Variants in ASB11 observed in about 807,000 individuals in gnomAD.
The protein encoded by ASB11 is ankyrin repeat and SOCS box protein 11.
In ASB11, 17 loss-of-function variants were observed where a neutral mutation model predicts 20.1. The observed-to-expected ratio is 0.85, with a 90% CI of 0.58 to 1.27. The LOEUF (loss-of-function observed/expected upper bound fraction) is 1.27, where lower values mean the gene tolerates loss of function less well. Ranked by LOEUF, ASB11 falls within the 50% of genes most tolerant of loss-of-function variation. The probability of loss-of-function intolerance (pLI) is 0.00; values close to 1 mark genes in which losing one functional copy is unlikely to be tolerated. For missense variants in ASB11, 259 were observed against 256.9 expected, an observed-to-expected ratio of 1.01 and a Z score of -0.06; for synonymous variants, 107 against 105.6, an observed-to-expected ratio of 1.01 and a Z score of -0.08.
chrX:15,293,035 G>A (rs779841394), intron 4 of ASB11, 135 bp downstream of exon 4: 2 of 839,329 alleles, frequency 2.4e-6, no homozygotes, highest in Admixed American at 3.6e-5. Context: ...TACTGCTGTG[G>A]GATTTCTAGG....
In ASB11 at chrX:15,297,591, A is replaced by G. The variant is rs1406642138; in HGVS notation, c.352T>C (p.Leu118=). ...GTACTCACGTGTGCACCATTTTCCA[A>G]TAAGGCTTTGGCACAGGCCACGTGA... is the stretch of plus-strand genomic sequence containing the variant. The part of the protein sequence containing the change: ...GGHVACAKAL[L]ENGAHVNGVT... The change falls in exon 3 of 7, where the codon TTG becomes CTG. Residue 118 remains leucine (L), a synonymous_variant. Transcript: ENST00000480796. 1.0e-5 allele frequency: 12 copies of G among 1,198,798 alleles called. No individual in the cohort carries two copies. Among genetic ancestry groups the G allele is most frequent in the Non-Finnish European group, 1.2e-5 (11 of 889,558 alleles).
In ASB11 at chrX:15,282,111, A is replaced by G. The variant is rs1253243768; in HGVS notation, c.*1394T>C. Reference sequence around the variant, plus strand: ...TCTCCCCCAGTTGTTGCAACTAAACATGTCTGCAGACATTGACAAATGTCT... The same window carrying G: ...TCTCCCCCAGTTGTTGCAACTAAACGTGTCTGCAGACATTGACAAATGTCT... On this transcript the variant is annotated 3_prime_UTR_variant, in exon 7 of 7. Coordinates refer to ENST00000480796, the MANE Select transcript of ASB11 (RefSeq NM_080873.3). 9.0e-6 allele frequency: 1 copy of G among 110,809 alleles called. No individual in the cohort carries two copies. Among genetic ancestry groups the G allele is most frequent in the Admixed American group, 9.7e-5 (1 of 10,339 alleles). 9.1% of individuals were successfully genotyped at this position (110,809 alleles called of 1,213,427 possible). A position where few individuals can be genotyped will look rare whatever the true frequency, so the allele number is the denominator to read the frequency against.
intron 2 of ASB11, among the ~76,000 whole-genome samples, chrX:15,301,270 C>T (rs1235630456): frequency 1.8e-5 from 2 of 111,860 alleles, no homozygotes; most frequent in Non-Finnish European, 3.8e-5. Flanking sequence ...GCCAGTCCAC[C>T]TTTTTAAATA....
rs1019667877 is a variant in ASB11, at chrX:15,301,025, G to A, written c.261+1703C>T. Among the ~76,000 whole-genome samples the A allele has an allele frequency of 3.8e-4, 42 of 111,168 alleles. 1 individual carries two copies. The highest frequency in any genetic ancestry group is 1.2e-3 in the African/African-American group (37 of 30,585). On this transcript the variant is annotated intron_variant, in intron 2 of 6. Coordinates refer to ENST00000480796, the MANE Select transcript of ASB11 (RefSeq NM_080873.3). The stretch of plus-strand genomic sequence containing the variant: ...CACCCAGGCTGGAGTGAAGTGACGC[G>A]ATCTCGGTTCACTGCAACCTCCACC...
chrX:15,300,389 A>G (rs1326365094), intron 2 of ASB11, among the ~76,000 whole-genome samples: 2 of 112,728 alleles, frequency 1.8e-5, no homozygotes, highest in Non-Finnish European at 3.7e-5. Context: ...CATTAGCTTA[A>G]TGTTTTACTC....
chrX:15,314,420 G>T (rs1921546815), intron 1 of ASB11: 1 of 1,200,088 alleles, frequency 8.3e-7, no homozygotes. Flanking sequence ...TCTTTCCATG[G>T]TCCGGACCTT....
intron 1 of ASB11, among the ~76,000 whole-genome samples, chrX:15,309,850 CCCAGCT>C (rs949587258): frequency 1.9e-5 from 2 of 107,504 alleles, no homozygotes; most frequent in African/African-American, 6.8e-5. Flanking sequence ...CGCCTGTAGT[CCCAGCT>C]ACCTGGGAGG....
At chrX:15,309,746 T>A (rs1445801477) in intron 1 of ASB11, among the ~76,000 whole-genome samples, 1 of 108,911 alleles carries the variant, frequency 9.2e-6, no homozygotes, top group African/African-American at 3.3e-5. Flanking sequence ...GGCGGGTGGA[T>A]CACGAGGTCA....
chrX:15,287,542 G>A (rs1052041602), intron 6 of ASB11, among the ~76,000 whole-genome samples: 1 of 112,268 alleles, frequency 8.9e-6, no homozygotes, highest in Non-Finnish European at 1.9e-5. Context: ...GGCCAGGCTG[G>A]TCTCAAACTC....
intron 1 of ASB11, among the ~76,000 whole-genome samples, chrX:15,311,314 G>A: frequency 8.9e-6 from 1 of 112,524 alleles, no homozygotes; most frequent in Non-Finnish European, 1.9e-5. Flanking sequence ...TTAAGGGCGG[G>A]AGAGCTGAGC....
chrX:15,285,937 G>A (rs144086386), intron 6 of ASB11, among the ~76,000 whole-genome samples: 2,391 of 110,373 alleles, frequency 0.022, 76 homozygotes, highest in African/African-American at 0.074. Context: ...CCCGGGAGGC[G>A]GAGGTTGCAG....
At position 15,313,302 on chromosome X, in the gene ASB11, G is replaced by T. The variant is rs764486854; in HGVS notation, c.181+2123C>A. Among the ~76,000 whole-genome samples, 4 of 111,173 alleles carry T rather than the reference G, an allele frequency of 3.6e-5. No homozygotes were observed. The South Asian group carries it at 1.5e-3, about 42-fold the overall frequency. ...TAATCCCAGCTACTCAGGAGGCTGA[G>T]GCACGAGAATTGCTTGAACCCCAGA... On this transcript the variant is annotated intron_variant, in intron 1 of 6. Coordinates refer to ENST00000480796, the MANE Select transcript of ASB11 (RefSeq NM_080873.3).
intron 4 of ASB11, among the ~76,000 whole-genome samples, chrX:15,291,549 A>C (rs1253860181): frequency 1.8e-5 from 2 of 108,440 alleles, no homozygotes; most frequent in African/African-American, 6.7e-5. Flanking sequence ...TTACTAAAAA[A>C]TACAAAAATC....
chrX:15,311,405 G>A (rs977265172), intron 1 of ASB11, among the ~76,000 whole-genome samples: 2 of 112,684 alleles, frequency 1.8e-5, no homozygotes, highest in East Asian at 5.6e-4. Context: ...CACCTGATAT[G>A]CAACTTAGAG....
intron 3 of ASB11, among the ~76,000 whole-genome samples, chrX:15,296,332 A>C (rs754326644): frequency 1.3e-4 from 14 of 111,786 alleles, no homozygotes; most frequent in Non-Finnish European, 2.1e-4. Context: ...AGTTTTCACA[A>C]GGAAGACTTT....
At chrX:15,286,530 T>G (rs1555938794) in intron 6 of ASB11, among the ~76,000 whole-genome samples, 1 of 108,690 alleles carries the variant, frequency 9.2e-6, no homozygotes, top group East Asian at 2.9e-4. Flanking sequence ...CTGGGTGTGG[T>G]GGTGCACGCC....
rs191809227 is a variant in ASB11, at chrX:15,293,418, G to A, written c.370-98C>T. 3.8e-4 allele frequency: 367 copies of A among 957,053 alleles called. 1 individual carries two copies. The African/African-American group carries it at 6.6e-3, about 17-fold the overall frequency. The allele number at this position is 957,053 out of a possible 1,213,427, so 78.9% of individuals were successfully genotyped here. ...GTATTTGCCTAGAGGAATTCCCCAC[G>A]CTGGTGAATAAGTGAGGGAACTCCA... On this transcript the variant is annotated intron_variant, in intron 3 of 6. Transcript: ENST00000480796.
At chrX:15,289,745 CG>C (rs1460977657) in intron 4 of ASB11, 107 bp from the exon 5 acceptor site, 1 of 950,231 alleles carries the variant, frequency 1.1e-6, no homozygotes, top group Non-Finnish European at 1.4e-6. Context: ...CTAGGTTGGC[CG>C]GGTGTGGTGG....
At position 15,315,499 on chromosome X, in the gene ASB11, G is replaced by A. The variant is rs371751531; in HGVS notation, c.107C>T (p.Thr36Ile). Reference sequence around the variant, plus strand: ...ATTTCCTTTGACGATATAGAAATGGGTTAGGAGAGCCAAAAAAACTTTAAT... The same window carrying A: ...ATTTCCTTTGACGATATAGAAATGGATTAGGAGAGCCAAAAAAACTTTAAT... ...LLIKVFLALLTHFYIVKGNRK... is the reference protein window; with the variant it reads ...LLIKVFLALLIHFYIVKGNRK... Residue 36 changes from threonine (T) to isoleucine (I), a missense_variant, in exon 1 of 7, where the codon ACC becomes ATC. Coordinates refer to ENST00000480796, the MANE Select transcript of ASB11 (RefSeq NM_080873.3). The A allele has an allele frequency of 1.7e-6, 2 of 1,194,211 alleles. No individual in the cohort carries two copies. The highest frequency in any genetic ancestry group is 2.3e-6 in the Non-Finnish European group (2 of 888,799).
Sources: allele counts gnomAD v4.1 joint callset (sites outside exome capture counted in the v4.1 genomes callset), GRCh38; gene constraint gnomAD v4.1.1; transcripts MANE v1.5; gene names NCBI Gene and HGNC (gene_info 2026-07-23, HGNC 2026-07-21).